The following GMDS variants were observed in gnomAD, a reference collection of about 807,000 sequenced individuals.
GMDS encodes GDP-mannose 4,6 dehydratase.
A neutral mutation model predicts 49.9 loss-of-function variants in GMDS; 20 were observed. The observed-to-expected ratio is 0.40, with a 90% confidence interval of 0.28 to 0.58. The LOEUF (loss-of-function observed/expected upper bound fraction) is 0.58, where lower values mean the gene tolerates loss of function less well. GMDS is among the 20% of genes least tolerant of loss of function. The pLI is 0.42. For synonymous variants in GMDS, 177 were observed against 178.6 expected (o/e 0.99, Z 0.07); for missense variants, 362 against 481.4 (o/e 0.75, Z 2.32).
At chr6:2,047,764 C>T (rs573418727) in intron 4 of GMDS, among the ~76,000 whole-genome samples, 3 of 152,286 alleles carry the variant, frequency 2.0e-5, no homozygotes, top group African/African-American at 7.2e-5. Context: ...GCTGGGATTA[C>T]AGGCATGAGC....
At chr6:2,142,846 G>A (rs912310822) in intron 1 of GMDS, among the ~76,000 whole-genome samples, 1 of 152,174 alleles carries the variant, frequency 6.6e-6, no homozygotes. Flanking sequence ...TCGCCTGCCT[G>A]TCACACTGGC....
chr6:1,767,008 A>G (rs1295255979), intron 7 of GMDS, among the ~76,000 whole-genome samples: 1 of 152,228 alleles, frequency 6.6e-6, no homozygotes, highest in African/African-American at 2.4e-5. Flanking sequence ...TGTAGGGCAC[A>G]CTGAACTTTA....
At chr6:1,678,595 T>C (rs934584837) in intron 9 of GMDS, among the ~76,000 whole-genome samples, 3 of 151,922 alleles carry the variant, frequency 2.0e-5, no homozygotes, top group Non-Finnish European at 4.4e-5. Context: ...TTTTTTCTCC[T>C]CAACTAAATG....
intron 4 of GMDS, among the ~76,000 whole-genome samples, chr6:1,979,807 T>A (rs987041300): frequency 3.9e-5 from 6 of 152,080 alleles, no homozygotes; most frequent in African/African-American, 1.4e-4. Flanking sequence ...AAAGGCCAGA[T>A]CACCTACAAA....
intron 7 of GMDS, among the ~76,000 whole-genome samples, chr6:1,883,263 C>T (rs1178432970): frequency 1.3e-5 from 2 of 151,958 alleles, no homozygotes; most frequent in Non-Finnish European, 2.9e-5. Flanking sequence ...TGGTGAGGCA[C>T]GCCTACAATC....
At chr6:1,723,764 G>T (rs1581509604) in intron 9 of GMDS, among the ~76,000 whole-genome samples, 1 of 152,254 alleles carries the variant, frequency 6.6e-6, no homozygotes, top group South Asian at 2.1e-4. Context: ...GTGCAGGATG[G>T]ACTGAGTCCC....
At chr6:1,711,390 T>C (rs1010413899) in intron 9 of GMDS, among the ~76,000 whole-genome samples, 2 of 152,250 alleles carry the variant, frequency 1.3e-5, no homozygotes, top group East Asian at 1.9e-4. Flanking sequence ...TTAAGAACCA[T>C]GGACTAGGGT....
intron 1 of GMDS, among the ~76,000 whole-genome samples, chr6:2,170,908 T>C (rs1471086504): frequency 1.3e-5 from 2 of 151,540 alleles, no homozygotes; most frequent in Admixed American, 6.6e-5. Context: ...GGCAGGAGAA[T>C]GGCATGAACC....
chr6:1,639,219 G>A (rs1763254021), intron 9 of GMDS, among the ~76,000 whole-genome samples: 1 of 152,184 alleles, frequency 6.6e-6, no homozygotes, highest in South Asian at 2.1e-4. Context: ...ATGCCACTGA[G>A]GCACTTGCAG....
intron 9 of GMDS, among the ~76,000 whole-genome samples, chr6:1,713,405 C>T (rs1423732470): frequency 3.9e-5 from 6 of 152,234 alleles, no homozygotes; most frequent in African/African-American, 1.2e-4. Context: ...CACCGGCCCA[C>T]GCCGGGATCC....
At position 1,645,353 on chromosome 6, in the gene GMDS, C is replaced by T. The variant is rs569660689; in HGVS notation, c.988-20813G>A. On this transcript the variant is annotated intron_variant, in intron 9 of 10. Coordinates refer to ENST00000380815, the MANE Select transcript of GMDS (RefSeq NM_001500.4). ...GTCACCCGTGCTGTGCCTAGCATAG[C>T]TTCCTGCACCCATCAGCGCTAAAAT... is the stretch of plus-strand genomic sequence containing the variant. Among the ~76,000 whole-genome samples, 3 of 152,340 alleles carry T rather than the reference C, an allele frequency of 2.0e-5. No individual in the cohort carries two copies. In the South Asian group the frequency reaches 6.2e-4, roughly 32 times the overall value.
At chr6:2,136,520 A>G (rs966022527) in intron 1 of GMDS, among the ~76,000 whole-genome samples, 3 of 152,226 alleles carry the variant, frequency 2.0e-5, no homozygotes, top group Non-Finnish European at 4.4e-5. Flanking sequence ...CCAAGAGCTC[A>G]AGGCCTCCCT....
chr6:2,129,923 A>T (rs760608741), intron 1 of GMDS, among the ~76,000 whole-genome samples: 29 of 152,234 alleles, frequency 1.9e-4, no homozygotes, highest in South Asian at 4.1e-4. Flanking sequence ...GACCATGGGG[A>T]TTAATTAATC....
intron 9 of GMDS, among the ~76,000 whole-genome samples, chr6:1,630,455 G>T (rs1331162986): frequency 4.6e-5 from 7 of 152,224 alleles, no homozygotes; most frequent in Admixed American, 1.3e-4. Flanking sequence ...CCTGAGTGGG[G>T]CCCAGCCCAG....
At chr6:1,630,334 G>A (rs900174166) in intron 9 of GMDS, among the ~76,000 whole-genome samples, 7 of 152,234 alleles carry the variant, frequency 4.6e-5, no homozygotes, top group African/African-American at 1.4e-4. Flanking sequence ...TGCAGTTTAT[G>A]CCACCCCAAA....
chr6:1,739,346 T>G (rs954137132), intron 8 of GMDS, among the ~76,000 whole-genome samples: 3 of 152,102 alleles, frequency 2.0e-5, no homozygotes, highest in Admixed American at 1.3e-4. Context: ...ACAGTAGGGG[T>G]GCGGCTCCTG....
chr6:2,111,542 T>C (rs1253611837), intron 4 of GMDS, among the ~76,000 whole-genome samples: 1 of 152,164 alleles, frequency 6.6e-6, no homozygotes, highest in Non-Finnish European at 1.5e-5. Flanking sequence ...TCCTATTATT[T>C]TATTTTCCTT....
chr6:1,856,300 G>A (rs768478945), intron 7 of GMDS, among the ~76,000 whole-genome samples: 6 of 152,144 alleles, frequency 3.9e-5, no homozygotes, highest in Non-Finnish European at 5.9e-5. Context: ...TTGCCACAAC[G>A]TCACAGAAAT....
chr6:1,791,375 C>G (rs1769535650), intron 7 of GMDS, among the ~76,000 whole-genome samples: 1 of 152,184 alleles, frequency 6.6e-6, no homozygotes, highest in African/African-American at 2.4e-5. Context: ...GATGCTCTTC[C>G]TAGCTTATAG....
Sources: allele counts gnomAD v4.1 joint callset (sites outside exome capture counted in the v4.1 genomes callset), GRCh38; gene constraint gnomAD v4.1.1; transcripts MANE v1.5; gene names NCBI Gene and HGNC (gene_info 2026-07-23, HGNC 2026-07-21).